BCL2: variants seen among roughly 807,000 people sequenced by gnomAD.
BCL2 encodes the protein BCL2 apoptosis regulator.
A neutral mutation model predicts 14.2 loss-of-function variants in BCL2; 1 was observed. That is an observed-to-expected ratio of 0.07 (90% CI 0.02 to 0.33). The LOEUF (loss-of-function observed/expected upper bound fraction) is 0.33. BCL2 is among the 10% of genes least tolerant of loss of function. The pLI is 0.99. For missense variants in BCL2, 247 were observed against 305.9 expected (o/e 0.81, Z 1.44); for synonymous variants, 151 against 137.2 (o/e 1.10, Z -0.70).
chr18:63,291,769 A>G (rs1912652873), intron 2 of BCL2, among the ~76,000 whole-genome samples: 1 of 151,312 alleles, frequency 6.6e-6, no homozygotes, highest in South Asian at 2.1e-4. Flanking sequence ...ATGCTGAAAG[A>G]ATTTTTTAGA....
chr18:63,264,628 T>C (rs1911763773), intron 2 of BCL2, among the ~76,000 whole-genome samples: 1 of 152,194 alleles, frequency 6.6e-6, no homozygotes, highest in East Asian at 1.9e-4. Flanking sequence ...ATATTAAATA[T>C]TTTTAAGAAG....
chr18:63,246,118 G>A (rs1911145426), intron 2 of BCL2, among the ~76,000 whole-genome samples: 1 of 152,196 alleles, frequency 6.6e-6, no homozygotes, highest in Non-Finnish European at 1.5e-5. Flanking sequence ...TAACAAAACA[G>A]CATCTTTCAG....
rs1212650850 is a variant in BCL2 at position 63,127,311 on chromosome 18, C to T, written c.*1314G>A. ...GCCATGTGCTACAGCCAAAATGGGC[C>T]GTGGCCATTGCCTCTCCTCACGTTC... On this transcript the variant is annotated 3_prime_UTR_variant, in exon 3 of 3. Coordinates refer to ENST00000333681, the MANE Select transcript of BCL2 (RefSeq NM_000633.3). 4.3e-5 allele frequency: 10 copies of T among 231,530 alleles called. No individual in the cohort carries two copies. The highest frequency in any genetic ancestry group is 3.4e-4 in the Admixed American group (6 of 17,682). The allele number at this position is 231,530 out of a possible 1,614,324, so 14.3% of individuals were successfully genotyped here.
Position 63,318,692 on chromosome 18 carries a change from G to A in BCL2, c.-26C>T, listed in dbSNP as rs778057839. 2 of 1,611,930 alleles carry A rather than the reference G, an allele frequency of 1.2e-6. No individual in the cohort carries two copies. The highest frequency in any genetic ancestry group is 4.5e-5 in the East Asian group (2 of 44,648). ...CCTTCCCAGAGGAAAAGCAACGGGG[G>A]CCAACGGCACCTCTCGCCCCAGCTC... is the stretch of plus-strand genomic sequence containing the variant. On this transcript the variant is annotated 5_prime_UTR_variant, in exon 2 of 3. Coordinates refer to ENST00000333681, the MANE Select transcript of BCL2 (RefSeq NM_000633.3). This position sits in a 1 kb window ranked among gnomAD's most constrained non-coding sequence, Gnocchi z 7.4.
intron 2 of BCL2, among the ~76,000 whole-genome samples, chr18:63,286,076 A>G (rs1292339666): frequency 1.3e-5 from 2 of 152,350 alleles, no homozygotes; most frequent in East Asian, 3.9e-4. Context: ...AGCTTTGGCC[A>G]TATGGCAGCT....
chr18:63,190,000 G>A (rs147323790), intron 2 of BCL2, among the ~76,000 whole-genome samples: 77 of 152,228 alleles, frequency 5.1e-4, no homozygotes, highest in African/African-American at 1.7e-3. Flanking sequence ...ACCAGAATAC[G>A]TCACTCTTCT....
rs149947875 is a variant in BCL2 at position 63,132,532 on chromosome 18, T to C, written c.586-3773A>G. ...TCTGGTCAAAGATGGGAAGTGATAA[T>C]ACAATGCCTACCTATCTGTCCTTCT... On this transcript the variant is annotated intron_variant, in intron 2 of 2. Transcript: ENST00000333681. 5.3e-4 allele frequency among the ~76,000 whole-genome samples: 81 copies of C among 152,344 alleles called. No individual in the cohort carries two copies. The East Asian group carries it at 0.011, about 21-fold the overall frequency.
At chr18:63,278,672 C>T (rs1449318242) in intron 2 of BCL2, among the ~76,000 whole-genome samples, 1 of 152,188 alleles carries the variant, frequency 6.6e-6, no homozygotes, top group Admixed American at 6.5e-5. Flanking sequence ...TCTCTCCTCA[C>T]CACAGCAAGA....
At chr18:63,225,008 A>C (rs537089245) in intron 2 of BCL2, among the ~76,000 whole-genome samples, 1 of 152,272 alleles carries the variant, frequency 6.6e-6, no homozygotes, top group South Asian at 2.1e-4. Context: ...AAGTCTAGCT[A>C]GAAGGAAAAT....
chr18:63,264,031 A>G (rs1215434652), intron 2 of BCL2, among the ~76,000 whole-genome samples: 1 of 152,296 alleles, frequency 6.6e-6, no homozygotes, highest in East Asian at 1.9e-4. Flanking sequence ...TGGCCTCCCA[A>G]TGTGCTGGGA....
intron 2 of BCL2, chr18:63,313,912 C>G (rs988474629): frequency 6.6e-6 from 1 of 152,020 alleles, no homozygotes; most frequent in Non-Finnish European, 1.5e-5. Context: ...TCAAAGATTG[C>G]TAAAAAGGGC....
chr18:63,155,362 A>G (rs1844799958), intron 2 of BCL2, among the ~76,000 whole-genome samples: 1 of 152,230 alleles, frequency 6.6e-6, no homozygotes, highest in South Asian at 2.1e-4. Context: ...CTGTACAGCA[A>G]GTCAACAGTA....
intron 2 of BCL2, among the ~76,000 whole-genome samples, chr18:63,288,411 G>A (rs1191828996): frequency 1.3e-5 from 2 of 152,156 alleles, no homozygotes; most frequent in African/African-American, 4.8e-5. Flanking sequence ...TACAAATCAA[G>A]CTTTGAAAAG....
chr18:63,152,415 A>C (rs1914671611), intron 2 of BCL2, among the ~76,000 whole-genome samples: 1 of 152,226 alleles, frequency 6.6e-6, no homozygotes, highest in Non-Finnish European at 1.5e-5. Context: ...ATCTCTTTTA[A>C]GAAAATTCTA....
chr18:63,173,632 C>T (rs1264117026), intron 2 of BCL2, among the ~76,000 whole-genome samples: 4 of 152,168 alleles, frequency 2.6e-5, no homozygotes, highest in Admixed American at 6.5e-5. Flanking sequence ...TCTCTCCACC[C>T]TGTACAAATG....
intron 2 of BCL2, among the ~76,000 whole-genome samples, chr18:63,151,820 C>T (rs1023945252): frequency 5.9e-5 from 9 of 152,074 alleles, no homozygotes; most frequent in Admixed American, 5.2e-4. Context: ...AAACCAAATG[C>T]CCCCCAAACA....
intron 2 of BCL2, among the ~76,000 whole-genome samples, chr18:63,307,129 A>AT (rs1913167510): frequency 1.3e-5 from 2 of 152,204 alleles, no homozygotes; most frequent in South Asian, 2.1e-4. Context: ...AAACACAGAG[A>AT]TGCAAGTGAA....
chr18:63,174,372 ATTG>A (rs1915299046), intron 2 of BCL2, among the ~76,000 whole-genome samples: 1 of 151,740 alleles, frequency 6.6e-6, no homozygotes, highest in Non-Finnish European at 1.5e-5. Context: ...CAGGTCTTTT[ATTG>A]TTGTTTTTTT....
chr18:63,132,354 G>A (rs961527969), intron 2 of BCL2, among the ~76,000 whole-genome samples: 12 of 152,222 alleles, frequency 7.9e-5, no homozygotes, highest in Admixed American at 7.9e-4. Flanking sequence ...TCCTCTTGCA[G>A]ACCTGCTCCG....
Sources: gnomAD v4.1 joint callset for allele counts (sites outside exome capture counted in the v4.1 genomes callset) on GRCh38, gnomAD v4.1.1 for gene constraint, Gnocchi (gnomAD v3.1) non-coding constraint, MANE v1.5 for transcripts, NCBI Gene and HGNC (gene_info 2026-07-23, HGNC 2026-07-21) for gene names.